SEPTIN9: variants seen among roughly 807,000 people sequenced by gnomAD.
The protein encoded by SEPTIN9 is septin-9.
Under a neutral mutation model 56.6 loss-of-function variants are expected in SEPTIN9, and 13 were observed. The ratio of observed to expected loss-of-function variants is 0.23; its 90% CI spans 0.15 to 0.37. The LOEUF (loss-of-function observed/expected upper bound fraction) is 0.37, where lower values mean the gene tolerates loss of function less well. Among genes scored for constraint, SEPTIN9 ranks in the 10% least tolerant of loss-of-function variants. The pLI, the probability that SEPTIN9 is intolerant of heterozygous loss-of-function variation, is 1.00. For missense variants in SEPTIN9, 650 were observed against 823.1 expected, an observed-to-expected ratio of 0.79 and a Z score of 2.57; for synonymous variants, 332 against 334.1, an observed-to-expected ratio of 0.99 and a Z score of 0.07.
Position 77,497,141 on chromosome 17 carries a change from T to A in SEPTIN9, c.1574-174T>A, listed in dbSNP as rs545757671. 2.3e-4 allele frequency: 159 copies of A among 691,596 alleles called. No individual in the cohort carries two copies. The African/African-American group carries it at 2.7e-3, about 12-fold the overall frequency. 42.8% of individuals were successfully genotyped at this position (691,596 alleles called of 1,614,324 possible). On this transcript the variant is annotated intron_variant, in intron 10 of 11. Coordinates refer to ENST00000427177, the MANE Select transcript of SEPTIN9 (RefSeq NM_001113491.2). ...CCAGTATCCCCCAGACTGAGGGCAG[T>A]GCCAGGTGTCCTATACTCAGCTGCA...
At chr17:77,455,905 T>C (rs1181691412) in intron 3 of SEPTIN9, among the ~76,000 whole-genome samples, 1 of 152,132 alleles carries the variant, frequency 6.6e-6, no homozygotes, top group Non-Finnish European at 1.5e-5. Context: ...CAAGGTCTCC[T>C]TGGGGGGTTT....
chr17:77,409,451 G>T (rs1490973509), intron 3 of SEPTIN9, among the ~76,000 whole-genome samples: 1 of 152,176 alleles, frequency 6.6e-6, no homozygotes, highest in African/African-American at 2.4e-5. Context: ...GGGCTGGTCC[G>T]GGAATGCAGC....
rs926105057 is a variant in SEPTIN9, at chr17:77,319,033, G to A, written c.76+11836G>A. Among the ~76,000 whole-genome samples, 7 of 152,194 alleles carry A rather than the reference G, an allele frequency of 4.6e-5. No homozygotes were observed. Among genetic ancestry groups the A allele is most frequent in the African/African-American group, 1.7e-4 (7 of 41,448 alleles). ...AGGAAGGCTTCCGTGGTGCGGCCAC[G>A]CGTCCTCCCTTTCTCAACAGAAGCT... On this transcript the variant is annotated intron_variant, in intron 2 of 11. Coordinates refer to ENST00000427177, the MANE Select transcript of SEPTIN9 (RefSeq NM_001113491.2). This position sits in a 1 kb window ranked among gnomAD's most constrained non-coding sequence, Gnocchi z 5.3.
At chr17:77,302,656 C>T (rs1226063447) in intron 1 of SEPTIN9, among the ~76,000 whole-genome samples, 6 of 152,036 alleles carry the variant, frequency 3.9e-5, no homozygotes, top group East Asian at 1.9e-4. Flanking sequence ...CCAGCCTGGG[C>T]GACAGAAAAA....
intron 2 of SEPTIN9, among the ~76,000 whole-genome samples, chr17:77,396,634 C>T (rs6501952): frequency 0.011 from 1,665 of 152,206 alleles, 32 homozygotes; most frequent in African/African-American, 0.038. Context: ...AGGGCGCAGT[C>T]TTAGGACTCT....
In SEPTIN9 at chr17:77,473,104, G is replaced by A. The variant is rs1006921863; in HGVS notation, c.722-9040G>A. On this transcript the variant is annotated intron_variant, in intron 3 of 11. Coordinates refer to ENST00000427177, the MANE Select transcript of SEPTIN9 (RefSeq NM_001113491.2). ...ATCGTCTCTGTCCACCCGCTCTGGA[G>A]TCCACTCCGCAAACAGCAACTTGTT... Among the ~76,000 whole-genome samples the A allele has an allele frequency of 2.0e-5, 3 of 152,340 alleles. No homozygotes were observed. In the South Asian group the frequency reaches 6.2e-4, roughly 32 times the overall value.
chr17:77,490,692 C>A (rs1042040112), intron 7 of SEPTIN9, 50 bp from the exon 8 acceptor site: 2 of 1,405,650 alleles, frequency 1.4e-6, no homozygotes, highest in South Asian at 1.2e-5. Flanking sequence ...GGGTGCCCCC[C>A]CACTGCCCCG....
chr17:77,308,878 G>T (rs1245671248), intron 2 of SEPTIN9, among the ~76,000 whole-genome samples: 3 of 152,244 alleles, frequency 2.0e-5, no homozygotes, highest in Admixed American at 6.5e-5. Flanking sequence ...TGCATGTGAG[G>T]CCCCTTGCAG....
At chr17:77,496,707 C>T (rs1025388498) in intron 10 of SEPTIN9, among the ~76,000 whole-genome samples, 1 of 152,228 alleles carries the variant, frequency 6.6e-6, no homozygotes, top group Non-Finnish European at 1.5e-5. Flanking sequence ...GTGCACATGT[C>T]CCTGAGCAAT....
rs1386904395 is a variant in SEPTIN9 at position 77,330,648 on chromosome 17, T to G, written c.76+23451T>G. Among the ~76,000 whole-genome samples the G allele has an allele frequency of 1.3e-5, 2 of 152,164 alleles. No homozygotes were observed. The highest frequency in any genetic ancestry group is 2.9e-5 in the Non-Finnish European group (2 of 68,006). On this transcript the variant is annotated intron_variant, in intron 2 of 11. Coordinates refer to ENST00000427177, the MANE Select transcript of SEPTIN9 (RefSeq NM_001113491.2). The surrounding 1 kb of genome is among the most constrained non-coding windows in gnomAD (Gnocchi z 4.4). ...AGCTCACCCTGCAGAACAGACAATT[T>G]GGTTAAAGCCTAAAGCCTGCTGTCA...
In SEPTIN9 at chr17:77,328,514, C is replaced by T. The variant is rs576533589; in HGVS notation, c.76+21317C>T. ...CCAAATAGCTGGGATGACAGGCGTCCGCCACCATGCCTGGTTAATTTTTGT... is the reference window on the plus strand; with the variant it reads ...CCAAATAGCTGGGATGACAGGCGTCTGCCACCATGCCTGGTTAATTTTTGT... On this transcript the variant is annotated intron_variant, in intron 2 of 11. Coordinates refer to ENST00000427177, the MANE Select transcript of SEPTIN9 (RefSeq NM_001113491.2). Among the ~76,000 whole-genome samples the T allele has an allele frequency of 2.7e-4, 41 of 152,266 alleles. 2 individuals are homozygous for T. The South Asian group carries it at 7.5e-3, about 28-fold the overall frequency.
rs1164098921 is a variant in SEPTIN9 at position 77,369,917 on chromosome 17, A to T, written c.77-32142A>T. ...GTAAGCTTCATTTCCCCGGGGCCTG[A>T]CCTGTGGGGTTTCTCTCCAGACCTG... On this transcript the variant is annotated intron_variant, in intron 2 of 11. Transcript: ENST00000427177. The surrounding 1 kb of genome is among the most constrained non-coding windows in gnomAD (Gnocchi z 4.9). Among the ~76,000 whole-genome samples, 1 of 151,964 alleles carries T rather than the reference A, an allele frequency of 6.6e-6. No individual in the cohort carries two copies. The highest frequency in any genetic ancestry group is 1.5e-5 in the Non-Finnish European group (1 of 67,982).
At chr17:77,484,897 G>GA (rs2039654836) in intron 4 of SEPTIN9, among the ~76,000 whole-genome samples, 2 of 99,088 alleles carry the variant, frequency 2.0e-5, no homozygotes, top group Non-Finnish European at 3.9e-5. Context: ...TGATGGTGGT[G>GA]GTGGTGATGG....
In SEPTIN9 at chr17:77,499,785, T is replaced by G; in HGVS notation, c.*1127T>G. 2.9e-6 allele frequency: 1 copy of G among 343,538 alleles called. No homozygotes were observed. Among genetic ancestry groups the G allele is most frequent in the Non-Finnish European group, 5.4e-6 (1 of 183,790 alleles). The allele number at this position is 343,538 out of a possible 1,614,324, so 21.3% of individuals were successfully genotyped here. ...CCTGGCCCAGGCCTTGCTGACTCTCTGAGCTGGGGAGGTGGGAGGCCAGGC... is the reference window on the plus strand; with the variant it reads ...CCTGGCCCAGGCCTTGCTGACTCTCGGAGCTGGGGAGGTGGGAGGCCAGGC... On this transcript the variant is annotated 3_prime_UTR_variant, in exon 12 of 12. Coordinates refer to ENST00000427177, the MANE Select transcript of SEPTIN9 (RefSeq NM_001113491.2).
At chr17:77,419,639 G>A (rs1045904823) in intron 3 of SEPTIN9, among the ~76,000 whole-genome samples, 1 of 152,046 alleles carries the variant, frequency 6.6e-6, no homozygotes, top group African/African-American at 2.4e-5. Context: ...TCCCTCCCCC[G>A]GTGCTGGTCT....
At chr17:77,315,228 A>C (rs2143631978) in intron 2 of SEPTIN9, among the ~76,000 whole-genome samples, 1 of 151,800 alleles carries the variant, frequency 6.6e-6, no homozygotes, top group East Asian at 1.9e-4. Flanking sequence ...GGCATTTGAT[A>C]GCATCTTGAA....
At chr17:77,482,588 C>T (rs1038791064) in intron 4 of SEPTIN9, 9 of 677,522 alleles carry the variant, frequency 1.3e-5, no homozygotes, top group East Asian at 5.4e-5. Context: ...GAGCCCAGGC[C>T]GGCCTGGAGC....
intron 1 of SEPTIN9, among the ~76,000 whole-genome samples, chr17:77,287,194 G>T (rs1213833973): frequency 6.6e-6 from 1 of 152,246 alleles, no homozygotes; most frequent in Non-Finnish European, 1.5e-5. Flanking sequence ...TGGGTGGAGG[G>T]ACTTGGTGGG....
At chr17:77,368,457 G>A (rs1197723577) in intron 2 of SEPTIN9, among the ~76,000 whole-genome samples, 1 of 152,094 alleles carries the variant, frequency 6.6e-6, no homozygotes, top group Non-Finnish European at 1.5e-5. Context: ...GATTATAGGC[G>A]TTTGCCACCA....
Sources: gnomAD v4.1 joint callset for allele counts (sites outside exome capture counted in the v4.1 genomes callset) on GRCh38, gnomAD v4.1.1 for gene constraint, Gnocchi (gnomAD v3.1) non-coding constraint, MANE v1.5 for transcripts, NCBI Gene and HGNC (gene_info 2026-07-23, HGNC 2026-07-21) for gene names.